The following GRID2 variants were observed in gnomAD, a reference collection of about 807,000 sequenced individuals.
The protein encoded by GRID2 is glutamate receptor ionotropic, delta-2.
Under a neutral mutation model 114.8 loss-of-function variants are expected in GRID2, and 33 were observed. That is an observed-to-expected ratio of 0.29 (90% CI 0.22 to 0.38). The LOEUF (loss-of-function observed/expected upper bound fraction) is 0.38, where lower values mean the gene tolerates loss of function less well. GRID2 is among the 10% of genes least tolerant of loss of function. The probability of loss-of-function intolerance (pLI) is 1.00; values close to 1 mark genes in which losing one functional copy is unlikely to be tolerated. For missense variants in GRID2, 1,184 were observed against 1,257.7 expected (o/e 0.94, Z 0.89); for synonymous variants, 505 against 449.9 (o/e 1.12, Z -1.55).
intron 8 of GRID2, among the ~76,000 whole-genome samples, chr4:93,293,220 G>A (rs1753931361): frequency 6.6e-6 from 1 of 152,052 alleles, no homozygotes; most frequent in Admixed American, 6.6e-5. Context: ...ATTAACACTG[G>A]AGTCACTAAG....
intron 8 of GRID2, among the ~76,000 whole-genome samples, chr4:93,341,120 A>G (rs1759602331): frequency 1.3e-5 from 2 of 152,202 alleles, no homozygotes; most frequent in Non-Finnish European, 2.9e-5. Context: ...ATTTTAATTC[A>G]GTTTATTTAA....
At chr4:93,623,827 A>G (rs1742436351) in intron 13 of GRID2, among the ~76,000 whole-genome samples, 1 of 152,118 alleles carries the variant, frequency 6.6e-6, no homozygotes, top group South Asian at 2.1e-4. Context: ...TTTAATTTTC[A>G]AAATTTCATT....
intron 8 of GRID2, among the ~76,000 whole-genome samples, chr4:93,287,712 T>A (rs563697645): frequency 2.0e-5 from 3 of 152,192 alleles, no homozygotes; most frequent in Non-Finnish European, 2.9e-5. Flanking sequence ...AATGGCTATG[T>A]TAATATTTTA....
intron 8 of GRID2, among the ~76,000 whole-genome samples, chr4:93,323,694 C>T (rs1757502167): frequency 3.3e-5 from 5 of 152,068 alleles, no homozygotes; most frequent in Admixed American, 3.3e-4. Flanking sequence ...GAATGTTCTT[C>T]CATTTGTTTG....
At chr4:92,398,696 C>T (rs536576533) in intron 1 of GRID2, among the ~76,000 whole-genome samples, 1 of 152,152 alleles carries the variant, frequency 6.6e-6, no homozygotes, top group East Asian at 1.9e-4. Context: ...TAAGAGTAGT[C>T]ATCATCGTTG....
chr4:93,796,150 C>A (rs1011192673), intron 1 of GRID2, among the ~76,000 whole-genome samples: 4 of 152,112 alleles, frequency 2.6e-5, no homozygotes, highest in African/African-American at 9.7e-5. Flanking sequence ...ATGTCTTTGA[C>A]TTCTGGAAGG....
intron 2 of GRID2, among the ~76,000 whole-genome samples, chr4:92,793,785 T>G (rs2149366636): frequency 6.6e-6 from 1 of 151,944 alleles, no homozygotes; most frequent in Middle Eastern, 3.4e-3. Context: ...ATAGTGAAAA[T>G]CTGCTACATG....
chr4:93,695,635 T>G (rs1478865568), intron 14 of GRID2, among the ~76,000 whole-genome samples: 2 of 152,176 alleles, frequency 1.3e-5, no homozygotes, highest in Non-Finnish European at 2.9e-5. Context: ...ACCTTGTCAT[T>G]GTTTGGCTCT....
chr4:93,226,178 C>G (rs1371445976), intron 7 of GRID2, among the ~76,000 whole-genome samples: 1 of 152,160 alleles, frequency 6.6e-6, no homozygotes, highest in African/African-American at 2.4e-5. Flanking sequence ...TATATTCATT[C>G]TATCCCTATA....
intron 2 of GRID2, among the ~76,000 whole-genome samples, chr4:92,669,500 C>T (rs1732949073): frequency 6.6e-6 from 1 of 151,938 alleles, no homozygotes; most frequent in Non-Finnish European, 1.5e-5. Flanking sequence ...CATGACATAT[C>T]TCTGACTTGC....
chr4:92,456,309 G>A (rs753807770), intron 1 of GRID2, among the ~76,000 whole-genome samples: 2 of 152,136 alleles, frequency 1.3e-5, no homozygotes, highest in East Asian at 3.9e-4. Context: ...TTAGGATCTT[G>A]TGGCTCTAGT....
chr4:93,766,755 C>A (rs565246996), intron 14 of GRID2, among the ~76,000 whole-genome samples: 1 of 152,114 alleles, frequency 6.6e-6, no homozygotes, highest in South Asian at 2.1e-4. Flanking sequence ...TACCTAGAGC[C>A]TTTAGGTGGG....
Position 93,613,702 on chromosome 4 carries a change from C to G in GRID2, c.2194-12567C>G, listed in dbSNP as rs1741236609. On this transcript the variant is annotated intron_variant, in intron 13 of 15. Coordinates refer to ENST00000282020, the MANE Select transcript of GRID2 (RefSeq NM_001510.4). ...CTCCAGCTGCTTGCTGGGAGAACCA[C>G]TGCTCTCTTCAAAGCTGTCAGACAG... Among the ~76,000 whole-genome samples, 2 of 145,432 alleles carry G rather than the reference C, an allele frequency of 1.4e-5. 1 individual carries two copies. Among genetic ancestry groups the G allele is most frequent in the South Asian group, 4.6e-4 (2 of 4,378 alleles).
intron 2 of GRID2, among the ~76,000 whole-genome samples, chr4:92,940,786 G>C (rs1184754386): frequency 6.6e-6 from 1 of 152,092 alleles, no homozygotes; most frequent in African/African-American, 2.4e-5. Flanking sequence ...AAGGGTTGTT[G>C]AATTTTGTCA....
chr4:92,315,255 G>A (rs1049279656), intron 1 of GRID2, among the ~76,000 whole-genome samples: 7 of 152,064 alleles, frequency 4.6e-5, no homozygotes, highest in Non-Finnish European at 1.0e-4. Context: ...TTCATCATAT[G>A]GAAACAATGT....
intron 8 of GRID2, among the ~76,000 whole-genome samples, chr4:93,318,140 G>A (rs749714966): frequency 4.6e-5 from 7 of 150,694 alleles, no homozygotes; most frequent in African/African-American, 9.7e-5. Flanking sequence ...TTTTCTGTTA[G>A]CCTTGTAAAC....
At chr4:92,921,299 C>T (rs1399311967) in intron 2 of GRID2, among the ~76,000 whole-genome samples, 2 of 151,946 alleles carry the variant, frequency 1.3e-5, no homozygotes, top group Non-Finnish European at 2.9e-5. Context: ...TTCGAACTTC[C>T]TCCTTTAGTG....
At chr4:92,551,822 C>A (rs898497382) in intron 1 of GRID2, among the ~76,000 whole-genome samples, 2 of 151,956 alleles carry the variant, frequency 1.3e-5, no homozygotes, top group African/African-American at 4.8e-5. Context: ...AGGGCCTCTA[C>A]TGGAAAGATG....
chr4:92,750,541 A>G (rs1404042481), intron 2 of GRID2, among the ~76,000 whole-genome samples: 1 of 152,180 alleles, frequency 6.6e-6, no homozygotes, highest in African/African-American at 2.4e-5. Context: ...GAAATGATAC[A>G]CTTGCCCTCA....
Sources: gnomAD v4.1 joint callset for allele counts (sites outside exome capture counted in the v4.1 genomes callset) on GRCh38, gnomAD v4.1.1 for gene constraint, MANE v1.5 for transcripts, NCBI Gene and HGNC (gene_info 2026-07-23, HGNC 2026-07-21) for gene names.